The following ZNF850 variants were observed in gnomAD, a reference collection of about 807,000 sequenced individuals.
The protein encoded by ZNF850 is zinc finger protein 850.
ZNF850 carries 2 observed loss-of-function variants against 11.9 expected under a neutral mutation model. That is an observed-to-expected ratio of 0.17 (90% CI 0.07 to 0.53). The LOEUF (loss-of-function observed/expected upper bound fraction) is 0.53. Among genes scored for constraint, ZNF850 ranks in the 20% least tolerant of loss-of-function variants. ZNF850 has a pLI of 0.94. For missense variants in ZNF850, 1,014 were observed against 1,316.4 expected, an observed-to-expected ratio of 0.77 and a Z score of 3.55; for synonymous variants, 381 against 443.0, an observed-to-expected ratio of 0.86 and a Z score of 1.76.
rs747608314 is a variant in ZNF850 at position 36,748,475 on chromosome 19, T to C, written c.2565A>G (p.Thr855=). The change falls in exon 5 of 5, where the codon ACA becomes ACG. Residue 855 remains threonine, a synonymous_variant. Transcript: ENST00000591344. ...TGTGAATTCGCTGATGTTCAATTAG[T>C]GTTGAGCGAGAAGTAAAAGATTTCC... is the stretch of plus-strand genomic sequence containing the variant. ...ECGKSFTSRS[T]LIEHQRIHTG... is the part of the protein sequence containing the mutation. 69 of 1,544,844 alleles carry C rather than the reference T, an allele frequency of 4.5e-5. No individual in the cohort carries two copies. The highest frequency in any genetic ancestry group is 1.9e-5 in the Admixed American group (1 of 51,314).
chr19:36,771,917 C>T (rs1758145889), intron 1 of ZNF850, among the ~76,000 whole-genome samples: 1 of 152,180 alleles, frequency 6.6e-6, no homozygotes, highest in Admixed American at 6.5e-5. Context: ...CCAGACCCCT[C>T]CTGCCCAGGC....
intron 4 of ZNF850, among the ~76,000 whole-genome samples, chr19:36,758,410 T>C (rs935248935): frequency 6.6e-6 from 1 of 152,170 alleles, no homozygotes; most frequent in Admixed American, 6.6e-5. Flanking sequence ...AGACAGAGTC[T>C]CACTCTGTCA....
chr19:36,770,174 T>C (rs1429589283), intron 1 of ZNF850, among the ~76,000 whole-genome samples: 1 of 152,180 alleles, frequency 6.6e-6, no homozygotes, highest in Admixed American at 6.5e-5. Context: ...CCACCATGTG[T>C]TCAGCTCTCT....
At position 36,745,403 on chromosome 19, in the gene ZNF850, T is replaced by G. The variant is rs141911472; in HGVS notation, c.*2364A>C. The G allele has an allele frequency of 6.6e-6, 1 of 152,282 alleles. No individual in the cohort carries two copies. Among genetic ancestry groups the G allele is most frequent in the African/African-American group, 2.4e-5 (1 of 41,560 alleles). The allele number at this position is 152,282 out of a possible 1,614,324, so 9.4% of individuals were successfully genotyped here. A position where few individuals can be genotyped will look rare whatever the true frequency, so the allele number is the denominator to read the frequency against. On this transcript the variant is annotated 3_prime_UTR_variant, in exon 5 of 5. Transcript: ENST00000591344. ...ATAAAATGCAACCATATGTCTACAT[T>G]CATGCAAATACCACCTTGTAAGAAA...
In ZNF850 at chr19:36,744,146, C is replaced by T. The variant is rs902667589; in HGVS notation, c.*3621G>A. 6 of 149,826 alleles carry T rather than the reference C, an allele frequency of 4.0e-5. No individual in the cohort carries two copies. The highest frequency in any genetic ancestry group is 1.2e-4 in the African/African-American group (5 of 40,448). The allele number at this position is 149,826 out of a possible 1,614,324, so 9.3% of individuals were successfully genotyped here. A position where few individuals can be genotyped will look rare whatever the true frequency, so the allele number is the denominator to read the frequency against. ...AAGCCGAGATCGTGCCATTGCACTC[C>T]AGCCTGGGCAACAATAGCAAAACTC... On this transcript the variant is annotated 3_prime_UTR_variant, in exon 5 of 5. Coordinates refer to ENST00000591344, the MANE Select transcript of ZNF850 (RefSeq NM_001193552.2).
chr19:36,750,189 T>C lies in ZNF850; in HGVS notation c.851A>G (p.Lys284Arg). 6.5e-7 allele frequency: 1 copy of C among 1,539,220 alleles called. No homozygotes were observed. Among genetic ancestry groups the C allele is most frequent in the Non-Finnish European group, 8.7e-7 (1 of 1,146,946 alleles). ...AGAAGTAAAAGATTTCCCACATTCTTTACATTCATAAGGTTTGTCACCAGT... is the reference window on the plus strand; with the variant it reads ...AGAAGTAAAAGATTTCCCACATTCTCTACATTCATAAGGTTTGTCACCAGT... ...IHTGDKPYEC[K>R]ECGKSFTSGS... Residue 284 changes from lysine (K) to arginine (R), a missense_variant, in exon 5 of 5, where the codon AAA becomes AGA. By Grantham distance (26) the Lys-to-Arg change is conservative (BLOSUM62 2). Transcript: ENST00000591344.
At chr19:36,765,308 A>G (rs976724971) in intron 1 of ZNF850, among the ~76,000 whole-genome samples, 2 of 152,210 alleles carry the variant, frequency 1.3e-5, no homozygotes, top group African/African-American at 4.8e-5. Flanking sequence ...TCATTTAGAC[A>G]TGACAGGACC....
Position 36,750,425 on chromosome 19 carries a change from G to C in ZNF850, c.615C>G (p.Ala205=), listed in dbSNP as rs1397831590. ...KLYKCKECGK[A]FHHFSYLVKH... ...TAACAAGATAGGAAAAGTGATGAAA[G>C]GCCTTCCCACACTCCTTACATTTAT... Residue 205 remains alanine, a synonymous_variant, in exon 5 of 5, where the codon GCC becomes GCG. Transcript: ENST00000591344. 6.5e-7 allele frequency: 1 copy of C among 1,536,532 alleles called. No individual in the cohort carries two copies. The highest frequency in any genetic ancestry group is 1.2e-5 in the South Asian group (1 of 84,054).
chr19:36,762,517 GGA>G, intron 2 of ZNF850, 76 bp downstream of exon 2: 1 of 1,535,640 alleles, frequency 6.5e-7, no homozygotes. Context: ...GCTGAAGGAT[GGA>G]GAGAATACAG....
intron 1 of ZNF850, among the ~76,000 whole-genome samples, chr19:36,764,952 C>T (rs1464381205): frequency 1.3e-5 from 2 of 152,104 alleles, no homozygotes; most frequent in South Asian, 2.1e-4. Context: ...TCCCAAAGTA[C>T]TGGGATTACA....
rs1166669113 is a variant in ZNF850, at chr19:36,745,256, G to C, written c.*2511C>G. ...TACAAATCAACAGATATGTTTTAGA[G>C]AAGTGTTAAATTTTTTAAACGCAAG... On this transcript the variant is annotated 3_prime_UTR_variant, in exon 5 of 5. Coordinates refer to ENST00000591344, the MANE Select transcript of ZNF850 (RefSeq NM_001193552.2). The C allele has an allele frequency of 6.6e-6, 1 of 152,094 alleles. No homozygotes were observed. The highest frequency in any genetic ancestry group is 1.5e-5 in the Non-Finnish European group (1 of 68,032). 9.4% of individuals were successfully genotyped at this position (152,094 alleles called of 1,614,324 possible).
intron 4 of ZNF850, among the ~76,000 whole-genome samples, chr19:36,759,993 T>C (rs1227577681): frequency 6.6e-6 from 1 of 152,232 alleles, no homozygotes; most frequent in African/African-American, 2.4e-5. Context: ...TAACTTATTG[T>C]CCTCTTTTAT....
In ZNF850 at chr19:36,750,336, A is replaced by G; in HGVS notation, c.704T>C (p.Ile235Thr). Residue 235 changes from isoleucine (I) to threonine (T), a missense_variant, in exon 5 of 5, where the codon ATT becomes ACT. Physicochemically the swap from Ile to Thr is moderately conservative, Grantham distance 89. Coordinates refer to ENST00000591344, the MANE Select transcript of ZNF850 (RefSeq NM_001193552.2). ...CACKEYGKAF[I>T]SGSHLIQHQK... is the part of the protein sequence containing the mutation. ...GTGTTGAATAAGATGTGAGCCAGAA[A>G]TAAAAGCTTTTCCATATTCTTTACA... The G allele has an allele frequency of 6.5e-7, 1 of 1,536,550 alleles. No homozygotes were observed. The highest frequency in any genetic ancestry group is 1.4e-5 in the African/African-American group (1 of 73,172).
In ZNF850 at chr19:36,762,424, A is replaced by G. The variant is rs1283485494; in HGVS notation, c.20T>C (p.Val7Ala). 6 of 1,565,626 alleles carry G rather than the reference A, an allele frequency of 3.8e-6. No individual in the cohort carries two copies. The highest frequency in any genetic ancestry group is 5.2e-6 in the Non-Finnish European group (6 of 1,163,446). ...GTCTATAGACAGATCCTGGAACATG[A>G]CCAACCCCTGAAATGACAAACCCAT... The part of the protein sequence containing the change: MNMEGL[V>A]MFQDLSIDFS... Residue 7 changes from valine to alanine, a missense_variant, in exon 3 of 5, where the codon GTC (valine) becomes GCC (alanine). By Grantham distance (64) the Val-to-Ala change is moderately conservative (BLOSUM62 0). Coordinates refer to ENST00000591344, the MANE Select transcript of ZNF850 (RefSeq NM_001193552.2).
intron 1 of ZNF850, among the ~76,000 whole-genome samples, chr19:36,768,625 T>C (rs1221137052): frequency 6.6e-6 from 1 of 152,204 alleles, no homozygotes; most frequent in Admixed American, 6.6e-5. Context: ...CTACCTTTTC[T>C]GTCATCCTTA....
chr19:36,770,906 G>A lies in ZNF850; in HGVS notation c.-70+1819C>T, dbSNP rs2145972111. Among the ~76,000 whole-genome samples, 4 of 152,102 alleles carry A rather than the reference G, an allele frequency of 2.6e-5. No individual in the cohort carries two copies. In the Middle Eastern group the frequency reaches 0.014, roughly 517 times the overall value. Reference sequence around the variant, plus strand: ...TCACAGATGACTGGGCAAATCCCTGGTGTTATTGGTACAAACTATTGATCG... The same window carrying A: ...TCACAGATGACTGGGCAAATCCCTGATGTTATTGGTACAAACTATTGATCG... On this transcript the variant is annotated intron_variant, in intron 1 of 4. Coordinates refer to ENST00000591344, the MANE Select transcript of ZNF850 (RefSeq NM_001193552.2).
rs1320805559 is a variant in ZNF850, at chr19:36,748,196, A to G, written c.2844T>C (p.Thr948=). 4 of 1,554,078 alleles carry G rather than the reference A, an allele frequency of 2.6e-6. No homozygotes were observed. The highest frequency in any genetic ancestry group is 2.6e-6 in the Non-Finnish European group (3 of 1,152,414). The change falls in exon 5 of 5, where the codon ACT becomes ACC. Residue 948 remains threonine, a synonymous_variant. Transcript: ENST00000591344. ...SGLTKHHSIH[T]GEKPYECKTC... The stretch of plus-strand genomic sequence containing the variant: ...TCTTACATTCATAGGGTTTCTCGCC[A>G]GTGTGAATACTGTGATGTTTGGTGA...
At position 36,747,723 on chromosome 19, in the gene ZNF850, T is replaced by C. The variant is rs541091978; in HGVS notation, c.*44A>G. The C allele has an allele frequency of 1.4e-6, 2 of 1,445,168 alleles. No homozygotes were observed. The highest frequency in any genetic ancestry group is 2.9e-5 in the South Asian group (2 of 68,456). 89.5% of individuals were successfully genotyped at this position (1,445,168 alleles called of 1,614,324 possible). On this transcript the variant is annotated 3_prime_UTR_variant, in exon 5 of 5. Coordinates refer to ENST00000591344, the MANE Select transcript of ZNF850 (RefSeq NM_001193552.2). Reference sequence around the variant, plus strand: ...TATTTGACCCACATATGGAATCTGCTGATGATCCATGACAAATGGCATGAG... The same window carrying C: ...TATTTGACCCACATATGGAATCTGCCGATGATCCATGACAAATGGCATGAG...
In ZNF850 at chr19:36,762,309, T is replaced by C. The variant is rs756891550; in HGVS notation, c.135A>G (p.Ser45=). ...TTTGCGGATAGACATCCTTACCTAG[T>C]GAGACCAGGCTGCTGTAGTTCTCCA... is the stretch of plus-strand genomic sequence containing the variant. ...VMMENYSSLV[S]LGLSIPKPDV... Residue 45 remains serine (S), a synonymous_variant, in exon 3 of 5, where the codon TCA becomes TCG. Coordinates refer to ENST00000591344, the MANE Select transcript of ZNF850 (RefSeq NM_001193552.2). The C allele has an allele frequency of 3.8e-6, 6 of 1,560,072 alleles. No individual in the cohort carries two copies. The Admixed American group carries it at 7.8e-5, about 20-fold the overall frequency.
Sources: allele counts gnomAD v4.1 joint callset (sites outside exome capture counted in the v4.1 genomes callset), GRCh38; gene constraint gnomAD v4.1.1; transcripts MANE v1.5; gene names NCBI Gene and HGNC (gene_info 2026-07-23, HGNC 2026-07-21).